The following LNX1 variants were observed in gnomAD, a reference collection of about 807,000 sequenced individuals.
The protein encoded by LNX1 is ligand of numb-protein X 1, also known as E3 ubiquitin-protein ligase LNX.
In LNX1, 54 loss-of-function variants were observed where a neutral mutation model predicts 68.4. That is an observed-to-expected ratio of 0.79 (90% CI 0.63 to 0.99). The LOEUF (loss-of-function observed/expected upper bound fraction) is 0.99. LNX1 is among the 50% of genes least tolerant of loss of function. The probability of loss-of-function intolerance (pLI) is 0.00; values close to 1 mark genes in which losing one functional copy is unlikely to be tolerated. For missense variants in LNX1, 906 were observed against 926.4 expected, an observed-to-expected ratio of 0.98 and a Z score of 0.29; for synonymous variants, 336 against 350.0, an observed-to-expected ratio of 0.96 and a Z score of 0.45.
chr4:53,514,638 A>G (rs530878528), intron 2 of LNX1, among the ~76,000 whole-genome samples: 2 of 125,784 alleles, frequency 1.6e-5, no homozygotes, highest in African/African-American at 6.0e-5. Context: ...GGGAGCTACA[A>G]TTCAACACAA....
chr4:53,559,674 G>T (rs529891447), intron 2 of LNX1, among the ~76,000 whole-genome samples: 1 of 151,998 alleles, frequency 6.6e-6, no homozygotes, highest in Non-Finnish European at 1.5e-5. Context: ...AGAGATGGGG[G>T]TCTTGCTCTG....
chr4:53,461,009 T>G lies in LNX1; in HGVS notation c.2085A>C (p.Arg695Ser), dbSNP rs371349648. ...CGDILLAVNG[R>S]STSGMIHACL... Reference sequence around the variant, plus strand: ...AAGCATGTATCATTCCTGATGTACTTCTACCATTGACAGCAAGAAGAATAT... The same window carrying G: ...AAGCATGTATCATTCCTGATGTACTGCTACCATTGACAGCAAGAAGAATAT... The change falls in exon 11 of 11, where the codon AGA (arginine) becomes AGC (serine). Residue 695 changes from arginine to serine, a missense_variant. Arg to Ser is a moderately radical substitution (Grantham distance 110). Transcript: ENST00000263925. The G allele has an allele frequency of 5.0e-6, 8 of 1,593,932 alleles. No homozygotes were observed. In the African/African-American group the frequency reaches 9.5e-5, roughly 19 times the overall value.
At chr4:53,512,687 C>T (rs4864463) in intron 2 of LNX1, among the ~76,000 whole-genome samples, 146,140 of 152,242 alleles carry the variant, frequency 0.96, 70,427 homozygotes, top group East Asian at 1. Context: ...AAGGGAGACA[C>T]TCAGTCCTAA....
At chr4:53,640,063 T>C (rs1193314236) in intron 1 of LNX1, among the ~76,000 whole-genome samples, 1 of 152,054 alleles carries the variant, frequency 6.6e-6, no homozygotes, top group African/African-American at 2.4e-5. Flanking sequence ...AAAAAAGAAT[T>C]ATTTATATAC....
At chr4:53,591,769 G>A (rs1032151075), upstream of LNX1, 1 of 168,890 alleles carries the variant, frequency 5.9e-6, no homozygotes, top group African/African-American at 2.4e-5. Context: ...CCCGTGTTCA[G>A]ATCTGAAGTC....
At chr4:53,630,980 C>T (rs1356350893) in intron 1 of LNX1, among the ~76,000 whole-genome samples, 1 of 152,202 alleles carries the variant, frequency 6.6e-6, no homozygotes. Flanking sequence ...CAGAGGTCAA[C>T]CTGGGCAAGC....
intron 2 of LNX1, among the ~76,000 whole-genome samples, chr4:53,509,058 C>G (rs1240100329): frequency 6.6e-6 from 1 of 152,224 alleles, no homozygotes; most frequent in Non-Finnish European, 1.5e-5. Flanking sequence ...AAGGTTGGAG[C>G]TGATCTAGGT....
intron 2 of LNX1, among the ~76,000 whole-genome samples, chr4:53,509,644 G>A (rs1368815504): frequency 6.6e-6 from 1 of 152,182 alleles, no homozygotes; most frequent in Non-Finnish European, 1.5e-5. Flanking sequence ...GTACTAGAAT[G>A]CAAATTCATT....
At chr4:53,487,798 T>C (rs1724410586) in intron 6 of LNX1, among the ~76,000 whole-genome samples, 1 of 152,256 alleles carries the variant, frequency 6.6e-6, no homozygotes, top group African/African-American at 2.4e-5. Flanking sequence ...TAACCTGATA[T>C]TTTAATAATC....
intron 9 of LNX1, among the ~76,000 whole-genome samples, chr4:53,466,740 C>G (rs770793109): frequency 2.8e-4 from 43 of 152,256 alleles, no homozygotes; most frequent in Non-Finnish European, 5.3e-4. Context: ...TTGCTCATTG[C>G]TAGCACAGCA....
At chr4:53,570,156 ATT>A (rs1457418574) in intron 2 of LNX1, among the ~76,000 whole-genome samples, 1 of 142,146 alleles carries the variant, frequency 7.0e-6, no homozygotes, top group African/African-American at 2.6e-5. Context: ...CAGCCATCCC[ATT>A]ACTGGGTATA....
chr4:53,486,507 G>T (rs1330139572), intron 6 of LNX1, among the ~76,000 whole-genome samples: 1 of 152,160 alleles, frequency 6.6e-6, no homozygotes, highest in East Asian at 1.9e-4. Context: ...TGATCTGCCT[G>T]CCCTGGGCAG....
chr4:53,493,903 C>A (rs974336929), intron 6 of LNX1, among the ~76,000 whole-genome samples: 1 of 152,220 alleles, frequency 6.6e-6, no homozygotes, highest in Non-Finnish European at 1.5e-5. Flanking sequence ...CTTTCCTAAA[C>A]CCTTCCAAGA....
At chr4:53,517,664 T>C (rs1456248509) in intron 2 of LNX1, among the ~76,000 whole-genome samples, 1 of 152,228 alleles carries the variant, frequency 6.6e-6, no homozygotes, top group Non-Finnish European at 1.5e-5. Flanking sequence ...CTAAAGACAT[T>C]AGGTAAAGAC....
intron 2 of LNX1, among the ~76,000 whole-genome samples, chr4:53,569,980 G>A (rs530564356): frequency 2.1e-4 from 32 of 152,294 alleles, no homozygotes; most frequent in African/African-American, 7.5e-4. Flanking sequence ...TCTCACACCA[G>A]TTAGAATGGC....
chr4:53,607,425 A>G (rs1733278998), intron 2 of LNX1, among the ~76,000 whole-genome samples: 1 of 152,202 alleles, frequency 6.6e-6, no homozygotes, highest in East Asian at 1.9e-4. Context: ...AATCTCTACA[A>G]TGAGAATTAC....
At chr4:53,560,080 A>G (rs900162576) in intron 2 of LNX1, among the ~76,000 whole-genome samples, 1 of 152,204 alleles carries the variant, frequency 6.6e-6, no homozygotes, top group Non-Finnish European at 1.5e-5. Context: ...CTATTAGAGA[A>G]GTGACATGTT....
At position 53,641,459 on chromosome 4, in the gene LNX1, C is replaced by T. The variant is rs541160453; in HGVS notation, c.-215+10709G>A. On this transcript the variant is annotated intron_variant, in intron 1 of 2. Transcript: ENST00000507168. ...AGTGCTGAAGAGGAATGGCTACAAC[C>T]TCTGTGCTCAGCCAAAGACGAGAGA... is the stretch of plus-strand genomic sequence containing the variant. Among the ~76,000 whole-genome samples the T allele has an allele frequency of 3.3e-5, 5 of 152,324 alleles. No individual in the cohort carries two copies. The East Asian group carries it at 7.7e-4, about 24-fold the overall frequency.
At chr4:53,574,165 G>A (rs1731344818) in intron 1 of LNX1, 77 bp from the exon 2 acceptor site, 3 of 1,067,706 alleles carry the variant, frequency 2.8e-6, no homozygotes, top group African/African-American at 1.6e-5. Context: ...ATGAGACAGG[G>A]CTGCCAATGC....
Sources: gnomAD v4.1 joint callset for allele counts (sites outside exome capture counted in the v4.1 genomes callset) on GRCh38, gnomAD v4.1.1 for gene constraint, MANE v1.5 for transcripts, NCBI Gene and HGNC (gene_info 2026-07-23, HGNC 2026-07-21) for gene names.